SYT1: variants seen among roughly 807,000 people sequenced by gnomAD.
SYT1 encodes the protein synaptotagmin 1, also known as synaptotagmin-1.
SYT1 carries 8 observed loss-of-function variants against 44.8 expected under a neutral mutation model. The observed-to-expected ratio is 0.18, with a 90% CI of 0.10 to 0.32. The LOEUF is 0.32. SYT1 is among the 10% of genes least tolerant of loss of function. The probability of loss-of-function intolerance (pLI) is 1.00; values close to 1 mark genes in which losing one functional copy is unlikely to be tolerated. For synonymous variants in SYT1, 154 were observed against 188.8 expected, an observed-to-expected ratio of 0.82 and a Z score of 1.51; for missense variants, 286 against 509.3, an observed-to-expected ratio of 0.56 and a Z score of 4.22.
intron 2 of SYT1, among the ~76,000 whole-genome samples, chr12:79,042,843 T>C (rs1382728303): frequency 2.6e-5 from 4 of 151,858 alleles, no homozygotes; most frequent in Non-Finnish European, 5.9e-5. Context: ...TCTCATTGGT[T>C]TCAAAGAACA....
intron 8 of SYT1, among the ~76,000 whole-genome samples, chr12:79,310,243 A>G (rs989460855): frequency 1.3e-5 from 2 of 152,132 alleles, no homozygotes; most frequent in African/African-American, 2.4e-5. Flanking sequence ...ATGGCTAGCC[A>G]GTTTTCCCAG....
chr12:79,422,216 A>C (rs1869163602), intron 9 of SYT1, among the ~76,000 whole-genome samples: 2 of 151,926 alleles, frequency 1.3e-5, no homozygotes. Context: ...TGTTTTTCTG[A>C]GTTCATGTTC....
At chr12:79,059,565 A>AT (rs1163470789) in intron 3 of SYT1, among the ~76,000 whole-genome samples, 1 of 152,056 alleles carries the variant, frequency 6.6e-6, no homozygotes, top group Admixed American at 6.6e-5. Context: ...TCAATTTTCA[A>AT]TTTTTTTATC....
At chr12:79,378,075 G>A (rs1884073253) in intron 9 of SYT1, among the ~76,000 whole-genome samples, 1 of 152,070 alleles carries the variant, frequency 6.6e-6, no homozygotes. Flanking sequence ...AATTCTTAAA[G>A]CTCTTAACTA....
At chr12:79,223,002 T>C (rs1022260443) in intron 4 of SYT1, among the ~76,000 whole-genome samples, 1 of 152,222 alleles carries the variant, frequency 6.6e-6, no homozygotes, top group Non-Finnish European at 1.5e-5. Flanking sequence ...CTCTATTAAA[T>C]GTCTTATTCT....
chr12:79,022,503 C>G (rs886622246), intron 2 of SYT1, among the ~76,000 whole-genome samples: 15 of 151,866 alleles, frequency 9.9e-5, no homozygotes, highest in Non-Finnish European at 1.9e-4. Context: ...AGCTGCTTGA[C>G]TGAAGAAGCA....
intron 3 of SYT1, among the ~76,000 whole-genome samples, chr12:79,128,531 C>T (rs951074753): frequency 2.0e-5 from 3 of 152,224 alleles, no homozygotes; most frequent in Admixed American, 6.5e-5. Context: ...AAAGTCTATG[C>T]TTTTCAGGCA....
intron 2 of SYT1, among the ~76,000 whole-genome samples, chr12:79,040,370 C>A (rs1294902170): frequency 6.6e-6 from 1 of 152,178 alleles, no homozygotes; most frequent in Non-Finnish European, 1.5e-5. Flanking sequence ...TCTCTGATGG[C>A]CAGTGATGAT....
intron 9 of SYT1, among the ~76,000 whole-genome samples, chr12:79,437,035 G>A (rs1870130544): frequency 6.6e-6 from 1 of 152,108 alleles, no homozygotes; most frequent in Non-Finnish European, 1.5e-5. Flanking sequence ...TGAGGAAAGA[G>A]AGAAAGGGCC....
chr12:79,039,411 G>T (rs1873360978), intron 2 of SYT1, among the ~76,000 whole-genome samples: 1 of 151,922 alleles, frequency 6.6e-6, no homozygotes, highest in Non-Finnish European at 1.5e-5. Flanking sequence ...TGAAACATCA[G>T]ATAGATGATG....
intron 2 of SYT1, among the ~76,000 whole-genome samples, chr12:78,990,212 G>C (rs1210636461): frequency 3.9e-5 from 6 of 152,040 alleles, no homozygotes; most frequent in Non-Finnish European, 5.9e-5. Context: ...GGGCTTAATG[G>C]GTATTAATTG....
At chr12:79,202,932 AG>A (rs1873875220) in intron 3 of SYT1, among the ~76,000 whole-genome samples, 1 of 152,192 alleles carries the variant, frequency 6.6e-6, no homozygotes, top group Admixed American at 6.5e-5. Flanking sequence ...TACAGAATGT[AG>A]GGAAGACACA....
At chr12:79,317,135 A>C (rs7307838) in intron 8 of SYT1, among the ~76,000 whole-genome samples, 1,610 of 152,308 alleles carry the variant, frequency 0.011, 31 homozygotes, top group African/African-American at 0.036. Flanking sequence ...TCCATTGTTT[A>C]CAGAACCGTT....
At chr12:79,294,684 A>G (rs181505597) in intron 6 of SYT1, among the ~76,000 whole-genome samples, 58 of 152,268 alleles carry the variant, frequency 3.8e-4, no homozygotes, top group Admixed American at 9.2e-4. Context: ...AAAAGTGAGG[A>G]TGAGGAAGTA....
intron 8 of SYT1, among the ~76,000 whole-genome samples, chr12:79,331,262 A>T (rs1881842587): frequency 6.6e-6 from 1 of 151,986 alleles, no homozygotes; most frequent in Non-Finnish European, 1.5e-5. Context: ...TTTTCTTTAA[A>T]TTTTTCCCAC....
At chr12:79,138,730 T>C (rs148775193) in intron 3 of SYT1, among the ~76,000 whole-genome samples, 100 of 152,342 alleles carry the variant, frequency 6.6e-4, no homozygotes, top group African/African-American at 2.4e-3. Flanking sequence ...TCTCAAAAAC[T>C]GTGAGTCCCA....
chr12:78,880,440 TTAAA>T lies in SYT1; in HGVS notation c.-217+15341_-217+15344del, dbSNP rs530834694. On this transcript the variant is annotated intron_variant, in intron 1 of 10. Coordinates refer to ENST00000261205, the MANE Select transcript of SYT1 (RefSeq NM_005639.3). ...ACTTATCACTCTTTGAATACAGTTT[TTAAA>T]TAAATAAATTTATTTATTTATTGCC... Among the ~76,000 whole-genome samples, 295 of 151,834 alleles carry T rather than the reference TTAAA, an allele frequency of 1.9e-3. 2 individuals carry two copies. Among genetic ancestry groups the T allele is most frequent in the African/African-American group, 6.5e-3 (269 of 41,514 alleles).
intron 2 of SYT1, among the ~76,000 whole-genome samples, chr12:79,014,013 T>G (rs1284406772): frequency 6.8e-6 from 1 of 146,130 alleles, no homozygotes; most frequent in South Asian, 2.2e-4. Context: ...GTAGTCCCAG[T>G]ACTCGGGATC....
chr12:79,365,594 A>G (rs951841188), intron 9 of SYT1, among the ~76,000 whole-genome samples: 6 of 152,154 alleles, frequency 3.9e-5, no homozygotes, highest in Non-Finnish European at 7.4e-5. Context: ...GAGTTTCTAC[A>G]TATCAGTGAG....
Sources: gnomAD v4.1 joint callset for allele counts (sites outside exome capture counted in the v4.1 genomes callset) on GRCh38, gnomAD v4.1.1 for gene constraint, MANE v1.5 for transcripts, NCBI Gene and HGNC (gene_info 2026-07-23, HGNC 2026-07-21) for gene names.